Variants in NRXN1 observed in about 807,000 individuals in gnomAD.
NRXN1 encodes the protein neurexin-1.
A neutral mutation model predicts 150.9 loss-of-function variants in NRXN1; 39 were observed. The observed-to-expected ratio is 0.26, with a 90% CI of 0.20 to 0.34. The LOEUF is 0.34. Among genes scored for constraint, NRXN1 ranks in the 10% least tolerant of loss-of-function variants. The pLI is 1.00. For synonymous variants in NRXN1, 924 were observed against 757.0 expected, an observed-to-expected ratio of 1.22 and a Z score of -3.62; for missense variants, 1,815 against 1,949.9, an observed-to-expected ratio of 0.93 and a Z score of 1.30.
chr2:50,426,036 T>C (rs1397558434), intron 17 of NRXN1, among the ~76,000 whole-genome samples: 2 of 152,186 alleles, frequency 1.3e-5, no homozygotes, highest in African/African-American at 2.4e-5. Context: ...TTTCAAAAGG[T>C]AACTACTTGT....
intron 17 of NRXN1, among the ~76,000 whole-genome samples, chr2:50,456,800 G>A (rs1217917038): frequency 1.3e-5 from 2 of 151,690 alleles, no homozygotes; most frequent in Non-Finnish European, 2.9e-5. Context: ...ATTTCTCTGT[G>A]TATCTACCAA....
At chr2:50,090,341 A>G (rs973271046) in intron 19 of NRXN1, among the ~76,000 whole-genome samples, 1 of 152,164 alleles carries the variant, frequency 6.6e-6, no homozygotes, top group Non-Finnish European at 1.5e-5. Context: ...GAATTTAAAT[A>G]TAAATTTTGA....
chr2:50,222,654 C>A (rs543612162), intron 18 of NRXN1, among the ~76,000 whole-genome samples: 1 of 151,864 alleles, frequency 6.6e-6, no homozygotes, highest in Non-Finnish European at 1.5e-5. Flanking sequence ...CTGCTACCCT[C>A]ATAACATGTA....
intron 17 of NRXN1, among the ~76,000 whole-genome samples, chr2:50,395,493 C>T (rs1165941966): frequency 6.6e-6 from 1 of 151,876 alleles, no homozygotes; most frequent in Non-Finnish European, 1.5e-5. Context: ...TATATATCAG[C>T]TCTAGGAAAA....
At chr2:50,773,887 C>A (rs1440630165) in intron 5 of NRXN1, among the ~76,000 whole-genome samples, 3 of 152,042 alleles carry the variant, frequency 2.0e-5, no homozygotes, top group Non-Finnish European at 4.4e-5. Context: ...TTTCATTCAC[C>A]CACAAGCAAC....
intron 5 of NRXN1, among the ~76,000 whole-genome samples, chr2:50,787,090 T>G (rs748372303): frequency 6.6e-6 from 1 of 152,244 alleles, no homozygotes; most frequent in East Asian, 1.9e-4. Context: ...GGAATTCTCA[T>G]GATAAAACTG....
intron 17 of NRXN1, among the ~76,000 whole-genome samples, chr2:50,281,755 T>C (rs1463721634): frequency 6.6e-6 from 1 of 152,114 alleles, no homozygotes; most frequent in East Asian, 1.9e-4. Context: ...TATTTGTTGG[T>C]GCAAAATCTT....
chr2:50,180,104 C>T (rs1559039977), intron 18 of NRXN1, among the ~76,000 whole-genome samples: 1 of 152,000 alleles, frequency 6.6e-6, no homozygotes, highest in Non-Finnish European at 1.5e-5. Context: ...TCACTGTAGC[C>T]TTGAACTCCT....
At chr2:49,982,693 A>C (rs1487236549) in intron 21 of NRXN1, among the ~76,000 whole-genome samples, 1 of 152,180 alleles carries the variant, frequency 6.6e-6, no homozygotes, top group Non-Finnish European at 1.5e-5. Flanking sequence ...TTCTAGTAGC[A>C]AAAGAATAAA....
intron 18 of NRXN1, among the ~76,000 whole-genome samples, chr2:50,135,030 C>A (rs181438640): frequency 6.6e-6 from 1 of 152,284 alleles, no homozygotes; most frequent in East Asian, 1.9e-4. Flanking sequence ...GACAAGAAAG[C>A]AAGAATATTA....
chr2:49,982,810 ATTTTTTTCATAACATAAG>A (rs1680196510), intron 21 of NRXN1, among the ~76,000 whole-genome samples: 1 of 151,976 alleles, frequency 6.6e-6, no homozygotes, highest in Non-Finnish European at 1.5e-5. Context: ...CTTCCTTTGT[ATTTTTTTCATAACATAAG>A]TGACCATAAA....
At chr2:50,873,971 A>G (rs1468735595) in intron 5 of NRXN1, among the ~76,000 whole-genome samples, 1 of 151,904 alleles carries the variant, frequency 6.6e-6, no homozygotes. Flanking sequence ...AATGTTTTTA[A>G]ATACCTTAAT....
chr2:50,909,024 A>C (rs765495289), intron 5 of NRXN1, among the ~76,000 whole-genome samples: 10 of 152,100 alleles, frequency 6.6e-5, no homozygotes, highest in Non-Finnish European at 1.3e-4. Flanking sequence ...AACAAAAAAT[A>C]AAGATGGGGT....
intron 5 of NRXN1, among the ~76,000 whole-genome samples, chr2:50,804,340 G>T (rs1667234735): frequency 6.6e-6 from 1 of 152,148 alleles, no homozygotes; most frequent in South Asian, 2.1e-4. Flanking sequence ...TATGTGGAAA[G>T]AAACAGTACC....
In NRXN1 at chr2:50,205,362, T is replaced by C. The variant is rs1213001190; in HGVS notation, c.3546+31427A>G. On this transcript the variant is annotated intron_variant, in intron 18 of 22. Transcript: ENST00000401669. ...GATTACTGAAATATTTTCCCTTTCC[T>C]ATAAACCTAATAGATCATTTATTCT... 2.6e-5 allele frequency among the ~76,000 whole-genome samples: 4 copies of C among 152,214 alleles called. No homozygotes were observed. The East Asian group carries it at 7.7e-4, about 29-fold the overall frequency.
intron 21 of NRXN1, among the ~76,000 whole-genome samples, chr2:49,994,408 T>C (rs2152524358): frequency 6.6e-6 from 1 of 152,312 alleles, no homozygotes; most frequent in East Asian, 1.9e-4. Flanking sequence ...GGGAAAGTCC[T>C]TGTAAGGCAT....
chr2:50,921,942 AG>A, intron 4 of NRXN1, 62 bp from the exon 5 acceptor site: 1 of 985,920 alleles, frequency 1.0e-6, no homozygotes, highest in Non-Finnish European at 1.4e-6. Context: ...GATAAAGAGG[AG>A]AAAAACAACA....
intron 21 of NRXN1, chr2:49,973,868 C>A: frequency 1.6e-6 from 1 of 615,322 alleles, no homozygotes; most frequent in Non-Finnish European, 2.9e-6. Flanking sequence ...TGAGTTTATT[C>A]TTATTTTCAT....
chr2:50,244,098 T>C (rs1279681828), intron 17 of NRXN1, among the ~76,000 whole-genome samples: 2 of 151,904 alleles, frequency 1.3e-5, no homozygotes, highest in Non-Finnish European at 2.9e-5. Flanking sequence ...TATTCTCTAA[T>C]AAAATTGCTA....
Sources: gnomAD v4.1 joint callset for allele counts (sites outside exome capture counted in the v4.1 genomes callset) on GRCh38, gnomAD v4.1.1 for gene constraint, MANE v1.5 for transcripts, NCBI Gene and HGNC (gene_info 2026-07-23, HGNC 2026-07-21) for gene names.